The following CYRIB variants were observed in gnomAD, a reference collection of about 807,000 sequenced individuals.
The protein encoded by CYRIB is CYFIP related Rac1 interactor B.
In CYRIB, 8 loss-of-function variants were observed where a neutral mutation model predicts 44.2. That is an observed-to-expected ratio of 0.18 (90% CI 0.11 to 0.33). CYRIB has a LOEUF of 0.33. Among genes scored for constraint, CYRIB ranks in the 10% least tolerant of loss-of-function variants. CYRIB has a pLI of 1.00. For missense variants in CYRIB, 185 were observed against 382.8 expected, an observed-to-expected ratio of 0.48 and a Z score of 4.31; for synonymous variants, 131 against 127.2, an observed-to-expected ratio of 1.03 and a Z score of -0.20.
intron 2 of CYRIB, among the ~76,000 whole-genome samples, chr8:129,949,644 GATC>G (rs944271861): frequency 1.3e-5 from 2 of 151,868 alleles, no homozygotes; most frequent in Admixed American, 1.3e-4. Flanking sequence ...GAGGTGGGCA[GATC>G]ATTTGAGGTC....
intron 1 of CYRIB, among the ~76,000 whole-genome samples, chr8:129,973,634 A>G (rs2095804953): frequency 6.6e-6 from 1 of 152,136 alleles, no homozygotes; most frequent in South Asian, 2.1e-4. Flanking sequence ...CTCAGCAGTG[A>G]CCAGACAGTG....
At chr8:130,014,615 G>A (rs760263393) in intron 1 of CYRIB, among the ~76,000 whole-genome samples, 1 of 152,162 alleles carries the variant, frequency 6.6e-6, no homozygotes, top group Non-Finnish European at 1.5e-5. Flanking sequence ...AGGAGAAGGG[G>A]TGGCTGTCAG....
At chr8:129,993,861 C>T (rs1232015638) in intron 1 of CYRIB, among the ~76,000 whole-genome samples, 2 of 140,810 alleles carry the variant, frequency 1.4e-5, no homozygotes, top group Non-Finnish European at 3.1e-5. Context: ...GACCCTGTCT[C>T]AAAAAAAAAA....
chr8:129,975,979 A>C (rs2095897621), intron 1 of CYRIB, among the ~76,000 whole-genome samples: 1 of 152,188 alleles, frequency 6.6e-6, no homozygotes. Flanking sequence ...AGTCAAAGGA[A>C]GCCCATGGGA....
chr8:129,918,427 A>G (rs954762378), intron 1 of CYRIB, among the ~76,000 whole-genome samples: 3 of 152,238 alleles, frequency 2.0e-5, no homozygotes, highest in South Asian at 2.1e-4. Flanking sequence ...AACAATCTTT[A>G]TCCTGAAAGT....
intron 1 of CYRIB, among the ~76,000 whole-genome samples, chr8:129,997,788 G>T (rs1299355013): frequency 6.6e-6 from 1 of 152,052 alleles, no homozygotes; most frequent in East Asian, 1.9e-4. Flanking sequence ...ACAGCCTTTG[G>T]AGGAAGAAAC....
intron 1 of CYRIB, among the ~76,000 whole-genome samples, chr8:129,988,661 C>T (rs2096545256): frequency 6.6e-6 from 1 of 152,164 alleles, no homozygotes; most frequent in South Asian, 2.1e-4. Flanking sequence ...ATAAACATAG[C>T]TTCTTCCCCT....
intron 3 of CYRIB, among the ~76,000 whole-genome samples, chr8:129,874,349 T>C (rs298609): frequency 0.56 from 85,595 of 151,750 alleles, 24,695 homozygotes; most frequent in African/African-American, 0.68. Flanking sequence ...CACTAATTTC[T>C]TATAGGGTGG....
Position 130,015,174 on chromosome 8 carries a change from T to A in CYRIB, c.-296+1196A>T, listed in dbSNP as rs576924432. 1.0e-3 allele frequency among the ~76,000 whole-genome samples: 156 copies of A among 152,268 alleles called. No homozygotes were observed. In the Middle Eastern group the frequency reaches 0.014, roughly 13 times the overall value. On this transcript the variant is annotated intron_variant, in intron 1 of 14. Coordinates refer to the CYRIB transcript ENST00000401979. ...CTCCCTGGAGATCCTGGATGGATGT[T>A]ACAGGGCAAGGAAGCCAAAATGTGG...
At chr8:130,016,307 C>G (rs1233594778) in intron 1 of CYRIB, 63 bp downstream of exon 1, 1 of 146,946 alleles carries the variant, frequency 6.8e-6, no homozygotes, top group Non-Finnish European at 1.5e-5. Flanking sequence ...GGGGGCAAAT[C>G]GGATCCAGGG....
chr8:129,882,882 A>G (rs1410032708), intron 2 of CYRIB, among the ~76,000 whole-genome samples: 1 of 151,990 alleles, frequency 6.6e-6, no homozygotes. Context: ...TATTTATCCC[A>G]TACACAAACA....
upstream of CYRIB, among the ~76,000 whole-genome samples, chr8:129,942,707 G>A (rs565368479): frequency 1.1e-4 from 16 of 152,294 alleles, no homozygotes; most frequent in African/African-American, 3.8e-4. Context: ...ACGCATTGTG[G>A]CTAGCTGTAT....
At chr8:129,862,487 T>G (rs1369055074) in intron 4 of CYRIB, among the ~76,000 whole-genome samples, 153 bp from the exon 7 acceptor site, 1 of 152,208 alleles carries the variant, frequency 6.6e-6, no homozygotes, top group Non-Finnish European at 1.5e-5. Flanking sequence ...ATTTTTTTTT[T>G]TGAGAGAGCG....
At chr8:129,879,136 C>T (rs114640804) in intron 3 of CYRIB, among the ~76,000 whole-genome samples, 13 of 152,104 alleles carry the variant, frequency 8.5e-5, no homozygotes, top group East Asian at 3.9e-4. Flanking sequence ...GAGAATAGAT[C>T]GTAAATTACA....
At position 129,896,413 on chromosome 8, in the gene CYRIB, G is replaced by A. The variant is rs541267868; in HGVS notation, c.-11+6899C>T. ...ATCAAGGACAAGGTTAACAGGCAAA[G>A]GTTTACTGCTAAAACATTAAAGCTG... On this transcript the variant is annotated intron_variant, in intron 2 of 11. Coordinates refer to ENST00000519824, the Ensembl canonical transcript of CYRIB. 1.1e-4 allele frequency among the ~76,000 whole-genome samples: 16 copies of A among 152,266 alleles called. 1 individual carries two copies. The highest frequency in any genetic ancestry group is 3.9e-4 in the African/African-American group (16 of 41,546).
intron 1 of CYRIB, among the ~76,000 whole-genome samples, chr8:129,932,551 G>C (rs534147922): frequency 2.4e-4 from 37 of 152,264 alleles, no homozygotes; most frequent in African/African-American, 8.7e-4. Flanking sequence ...CAGAAAACCA[G>C]TGCAAATGCT....
intron 1 of CYRIB, among the ~76,000 whole-genome samples, chr8:129,933,894 A>C (rs1055078453): frequency 7.1e-6 from 1 of 141,764 alleles, no homozygotes; most frequent in Non-Finnish European, 1.6e-5. Context: ...ACACAAAAAA[A>C]AAAAGAAGAA....
At chr8:129,924,278 A>G (rs1200106024) in intron 1 of CYRIB, among the ~76,000 whole-genome samples, 2 of 112,216 alleles carry the variant, frequency 1.8e-5, no homozygotes, top group African/African-American at 6.6e-5. Context: ...GCCTCCAAAA[A>G]AAAAAAAAAA....
At chr8:129,894,612 A>G (rs936192857) in intron 2 of CYRIB, 3 of 152,202 alleles carry the variant, frequency 2.0e-5, no homozygotes, top group Admixed American at 6.5e-5. Flanking sequence ...TGATTAGAAC[A>G]GGCTAGCAGT....
Sources: gnomAD v4.1 joint callset for allele counts (sites outside exome capture counted in the v4.1 genomes callset) on GRCh38, gnomAD v4.1.1 for gene constraint, MANE v1.5 for transcripts, NCBI Gene and HGNC (gene_info 2026-07-23, HGNC 2026-07-21) for gene names.